UPP2: variants seen among roughly 807,000 people sequenced by gnomAD.
UPP2 encodes uridine phosphorylase 2.
Under a neutral mutation model 26.7 loss-of-function variants are expected in UPP2, and 23 were observed. The ratio of observed to expected loss-of-function variants is 0.86; its 90% confidence interval spans 0.62 to 1.22. The LOEUF (loss-of-function observed/expected upper bound fraction) is 1.22. UPP2 is among the 50% of genes most tolerant of loss of function. The pLI, the probability that UPP2 is intolerant of heterozygous loss-of-function variation, is 0.00. For synonymous variants in UPP2, 127 were observed against 141.3 expected, an observed-to-expected ratio of 0.90 and a Z score of 0.72; for missense variants, 387 against 396.7, an observed-to-expected ratio of 0.98 and a Z score of 0.21.
At chr2:158,115,938 T>G (rs1014087151) in intron 3 of UPP2, among the ~76,000 whole-genome samples, 2 of 152,198 alleles carry the variant, frequency 1.3e-5, no homozygotes, top group African/African-American at 4.8e-5. Flanking sequence ...CCATCACATT[T>G]CTGGGCACTG....
intron 3 of UPP2, among the ~76,000 whole-genome samples, chr2:158,039,503 G>T (rs1267935351): frequency 5.3e-5 from 8 of 152,188 alleles, no homozygotes; most frequent in Admixed American, 4.6e-4. Context: ...CTTGCTCAAG[G>T]TTACATAGTT....
chr2:158,114,977 A>G, intron 2 of UPP2, 124 bp from the exon 3 acceptor site: 4 of 897,258 alleles, frequency 4.5e-6, no homozygotes, highest in Non-Finnish European at 6.1e-6. Flanking sequence ...AACATAAACC[A>G]TGACATCTAC....
At chr2:158,013,961 TCCTC>T (rs1266612651) in intron 2 of UPP2, among the ~76,000 whole-genome samples, 1 of 152,170 alleles carries the variant, frequency 6.6e-6, no homozygotes, top group African/African-American at 2.4e-5. Context: ...GAACTGTTCT[TCCTC>T]CCACAGCTGT....
chr2:158,094,453 TA>T (rs1191727313), intron 3 of UPP2, among the ~76,000 whole-genome samples: 1 of 152,168 alleles, frequency 6.6e-6, no homozygotes, highest in Non-Finnish European at 1.5e-5. Context: ...AAAAACCAAG[TA>T]AAGTGTTCAA....
intron 3 of UPP2, among the ~76,000 whole-genome samples, chr2:158,078,888 C>T (rs1243198708): frequency 6.6e-6 from 1 of 152,112 alleles, no homozygotes; most frequent in East Asian, 1.9e-4. Context: ...CTCATGTACC[C>T]TGATATGGTG....
At chr2:158,086,982 T>C (rs1682827474) in intron 3 of UPP2, among the ~76,000 whole-genome samples, 1 of 152,136 alleles carries the variant, frequency 6.6e-6, no homozygotes, top group Non-Finnish European at 1.5e-5. Flanking sequence ...TTGGGTATAA[T>C]GTTCTGTAAA....
intron 3 of UPP2, among the ~76,000 whole-genome samples, chr2:158,096,708 T>C (rs913396068): frequency 1.3e-5 from 2 of 152,184 alleles, no homozygotes; most frequent in African/African-American, 4.8e-5. Context: ...ATCTGATGAA[T>C]TAGACCTATG....
chr2:158,017,806 T>A (rs2105145935), intron 3 of UPP2, among the ~76,000 whole-genome samples: 1 of 152,360 alleles, frequency 6.6e-6, no homozygotes, highest in Non-Finnish European at 1.5e-5. Flanking sequence ...TTTCACTGGG[T>A]TGCAATTCTT....
At chr2:158,062,823 A>G (rs1682373629) in intron 3 of UPP2, among the ~76,000 whole-genome samples, 1 of 152,246 alleles carries the variant, frequency 6.6e-6, no homozygotes, top group Non-Finnish European at 1.5e-5. Context: ...GATCCAGCAT[A>G]CTGGCATTCC....
intron 2 of UPP2, among the ~76,000 whole-genome samples, chr2:158,010,523 G>A (rs1287213251): frequency 2.6e-5 from 4 of 152,010 alleles, no homozygotes; most frequent in African/African-American, 7.3e-5. Context: ...TCACAGTTAC[G>A]GGCATAAGTG....
chr2:158,004,307 T>C (rs1683455561), intron 2 of UPP2, among the ~76,000 whole-genome samples: 1 of 152,160 alleles, frequency 6.6e-6, no homozygotes, highest in Non-Finnish European at 1.5e-5. Flanking sequence ...TGACTCATAA[T>C]TTAATTAATT....
chr2:158,115,318 C>A (rs1368177324), intron 3 of UPP2, 59 bp downstream of exon 3: 3 of 1,504,362 alleles, frequency 2.0e-6, no homozygotes, highest in African/African-American at 2.8e-5. Context: ...AAAGTGGGAA[C>A]TTTTACATGT....
intron 3 of UPP2, among the ~76,000 whole-genome samples, chr2:158,033,166 G>A (rs1437548653): frequency 6.6e-6 from 1 of 152,084 alleles, no homozygotes; most frequent in Non-Finnish European, 1.5e-5. Context: ...TGGGAGGGGG[G>A]CCCCAAAGGT....
intron 3 of UPP2, among the ~76,000 whole-genome samples, chr2:158,056,172 T>C (rs1419166283): frequency 6.6e-6 from 1 of 152,162 alleles, no homozygotes; most frequent in Non-Finnish European, 1.5e-5. Context: ...TTTCAACAAT[T>C]GCTGAAATAA....
intron 6 of UPP2, chr2:158,126,568 G>A (rs1683698964): frequency 6.6e-6 from 1 of 152,152 alleles, no homozygotes; most frequent in African/African-American, 2.4e-5. Context: ...CCATGGATAG[G>A]GTGCTATCAT....
rs533636005 is a variant in UPP2 at position 158,125,102 on chromosome 2, C to T, written c.811+1207C>T. Among the ~76,000 whole-genome samples the T allele has an allele frequency of 9.2e-5, 14 of 152,194 alleles. 1 individual carries two copies. In the South Asian group the frequency reaches 2.9e-3, roughly 32 times the overall value. ...GGAGTGGCCCATGAAGTTGGCAGTA[C>T]ACCAGGGAAGTGTGGCATCCTGATA... is the stretch of plus-strand genomic sequence containing the variant. On this transcript the variant is annotated intron_variant, in intron 6 of 6. Coordinates refer to ENST00000005756, the MANE Select transcript of UPP2 (RefSeq NM_173355.4).
intron 4 of UPP2, among the ~76,000 whole-genome samples, chr2:158,119,568 A>G (rs1464843337): frequency 6.6e-6 from 1 of 152,056 alleles, no homozygotes; most frequent in African/African-American, 2.4e-5. Context: ...CCTTTGAGAA[A>G]CCTTAACCAT....
intron 2 of UPP2, among the ~76,000 whole-genome samples, chr2:158,112,102 C>G (rs1268625666): frequency 1.3e-5 from 2 of 152,082 alleles, no homozygotes; most frequent in African/African-American, 4.8e-5. Flanking sequence ...ACTTGACAAG[C>G]TTCTAATAAA....
chr2:158,091,450 GT>G lies in UPP2; in HGVS notation c.148-10585del, dbSNP rs562086187. Among the ~76,000 whole-genome samples, 563 of 152,292 alleles carry G rather than the reference GT, an allele frequency of 3.7e-3. 5 individuals carry two copies. The highest frequency in any genetic ancestry group is 0.013 in the African/African-American group (544 of 41,560). On this transcript the variant is annotated intron_variant, in intron 3 of 9. Transcript: ENST00000605860. ...AAATATGTAGAAAAAATAGGATACG[GT>G]TTTTAAATATAGGTTAATTTGAAAA...
Sources: allele counts gnomAD v4.1 joint callset (sites outside exome capture counted in the v4.1 genomes callset), GRCh38; gene constraint gnomAD v4.1.1; transcripts MANE v1.5; gene names NCBI Gene and HGNC (gene_info 2026-07-23, HGNC 2026-07-21).